Variants in SLC24A2 observed in about 807,000 individuals in gnomAD.
SLC24A2 encodes the protein sodium/potassium/calcium exchanger 2.
SLC24A2 carries 36 observed loss-of-function variants against 62.0 expected under a neutral mutation model. The ratio of observed to expected loss-of-function variants is 0.58; its 90% CI spans 0.44 to 0.77. SLC24A2 has a LOEUF of 0.77. Among genes scored for constraint, SLC24A2 ranks in the 30% least tolerant of loss-of-function variants. The pLI is 0.00. For missense variants in SLC24A2, 846 were observed against 817.9 expected (o/e 1.03, Z -0.42); for synonymous variants, 358 against 294.0 (o/e 1.22, Z -2.23).
At chr9:19,881,770 T>A in the SLC24A2 span, among the ~76,000 whole-genome samples, 28 of 152,320 alleles carry the variant, frequency 1.8e-4, no homozygotes, top group African/African-American at 5.5e-4. Flanking sequence ...ACTGTCTTAT[T>A]ACAAGCTAAG....
chr9:20,035,043 G>A, the SLC24A2 span, among the ~76,000 whole-genome samples: 10 of 151,612 alleles, frequency 6.6e-5, no homozygotes, highest in Non-Finnish European at 8.8e-5. Context: ...ATATATACTA[G>A]AAAAAAGTAC....
At chr9:20,246,094 G>A in the SLC24A2 span, among the ~76,000 whole-genome samples, 1 of 152,144 alleles carries the variant, frequency 6.6e-6, no homozygotes, top group Non-Finnish European at 1.5e-5. Flanking sequence ...AAATTTTCAG[G>A]TTGCTGCAGG....
At chr9:19,935,197 A>G in the SLC24A2 span, among the ~76,000 whole-genome samples, 1 of 151,484 alleles carries the variant, frequency 6.6e-6, no homozygotes, top group Non-Finnish European at 1.5e-5. Context: ...TTCCAGCCTG[A>G]CCTACTATAT....
At chr9:19,698,338 T>C (rs1820253290) in intron 2 of SLC24A2, among the ~76,000 whole-genome samples, 1 of 152,160 alleles carries the variant, frequency 6.6e-6, no homozygotes, top group Admixed American at 6.5e-5. Flanking sequence ...ATAAATAAAC[T>C]TGATGTTGAG....
intron 2 of SLC24A2, among the ~76,000 whole-genome samples, chr9:19,734,998 A>G (rs1270274458): frequency 6.6e-6 from 1 of 152,140 alleles, no homozygotes; most frequent in Non-Finnish European, 1.5e-5. Flanking sequence ...ACAAAAGCCA[A>G]AATTGACAAA....
chr9:19,578,377 G>T (rs1302444238), intron 5 of SLC24A2, among the ~76,000 whole-genome samples: 1 of 117,048 alleles, frequency 8.5e-6, no homozygotes, highest in Non-Finnish European at 1.8e-5. Context: ...AAAAAAAAAA[G>T]CAAGCAAAAG....
intron 1 of SLC24A2, among the ~76,000 whole-genome samples, chr9:19,788,218 C>T (rs1057514585): frequency 6.6e-6 from 1 of 152,200 alleles, no homozygotes; most frequent in Non-Finnish European, 1.5e-5. Context: ...TGAGATAACC[C>T]GACCCCATCA....
At chr9:20,291,225 A>G in the SLC24A2 span, among the ~76,000 whole-genome samples, 2 of 152,214 alleles carry the variant, frequency 1.3e-5, no homozygotes, top group African/African-American at 4.8e-5. Flanking sequence ...ACAGGAGAGC[A>G]TAAGAGAAGG....
rs1236463360 is a variant in SLC24A2 at position 19,515,437 on chromosome 9, A to T, written c.*716T>A. 6.6e-6 allele frequency: 1 copy of T among 152,084 alleles called. No homozygotes were observed. Among genetic ancestry groups the T allele is most frequent in the Non-Finnish European group, 1.5e-5 (1 of 68,104 alleles). 9.4% of individuals were successfully genotyped at this position (152,084 alleles called of 1,614,324 possible). On this transcript the variant is annotated 3_prime_UTR_variant, in exon 11 of 11. Coordinates refer to ENST00000341998, the MANE Select transcript of SLC24A2 (RefSeq NM_020344.4). ...AAGGCTCAACTCAGGGCCCCTACAG[A>T]CCTTCTCCACTAAGCCCTCCTCCCT...
the SLC24A2 span, among the ~76,000 whole-genome samples, chr9:19,897,924 C>T: frequency 6.4e-3 from 981 of 152,300 alleles, 20 homozygotes; most frequent in East Asian, 0.072. Flanking sequence ...GCGTGTTATT[C>T]CCCATCCCAC....
At chr9:20,000,211 A>G in the SLC24A2 span, among the ~76,000 whole-genome samples, 5 of 152,196 alleles carry the variant, frequency 3.3e-5, no homozygotes, top group Non-Finnish European at 7.3e-5. Context: ...TTATTATTTC[A>G]CCTTTTGAAG....
the SLC24A2 span, among the ~76,000 whole-genome samples, chr9:19,808,810 C>A: frequency 2.0e-5 from 3 of 152,216 alleles, no homozygotes; most frequent in Admixed American, 2.0e-4. The surrounding 1 kb of genome is among the most constrained non-coding windows in gnomAD (Gnocchi z 4.1). Flanking sequence ...CCTCTACATT[C>A]TGTTTGCTTA....
At chr9:19,534,644 T>C (rs1004956174) in intron 8 of SLC24A2, among the ~76,000 whole-genome samples, 6 of 152,270 alleles carry the variant, frequency 3.9e-5, no homozygotes, top group Non-Finnish European at 2.9e-5. Context: ...TTGCTGACAA[T>C]GATAGTTTCC....
chr9:20,162,352 C>T, the SLC24A2 span, among the ~76,000 whole-genome samples: 1 of 151,530 alleles, frequency 6.6e-6, no homozygotes, highest in African/African-American at 2.4e-5. Context: ...ATAAATTTAC[C>T]AAAAAAAGTT....
At chr9:19,995,375 G>A in the SLC24A2 span, among the ~76,000 whole-genome samples, 1 of 152,056 alleles carries the variant, frequency 6.6e-6, no homozygotes, top group South Asian at 2.1e-4. Flanking sequence ...GAGGTTATGT[G>A]TGGGTGCCTT....
intron 5 of SLC24A2, among the ~76,000 whole-genome samples, chr9:19,579,790 A>C (rs1357070823): frequency 6.6e-6 from 1 of 152,202 alleles, no homozygotes; most frequent in Non-Finnish European, 1.5e-5. Flanking sequence ...GGTTATAAGA[A>C]TCTTTTCAGA....
chr9:20,236,303 T>C, the SLC24A2 span, among the ~76,000 whole-genome samples: 1 of 152,204 alleles, frequency 6.6e-6, no homozygotes, highest in Non-Finnish European at 1.5e-5. Context: ...ATTTTAAATA[T>C]TCAAGACAGA....
At chr9:19,588,178 CTTTTT>C (rs3085622) in intron 5 of SLC24A2, among the ~76,000 whole-genome samples, 1 of 121,700 alleles carries the variant, frequency 8.2e-6, no homozygotes. Flanking sequence ...TTCTTTTTTT[CTTTTT>C]TTTTTTTTTT....
rs797005002 is a variant in SLC24A2, at chr9:19,540,343, C to A, written c.1479+9794G>T. Among the ~76,000 whole-genome samples, 233 of 142,340 alleles carry A rather than the reference C, an allele frequency of 1.6e-3. 10 individuals are homozygous for A. In the South Asian group the frequency reaches 0.051, roughly 31 times the overall value. 93.4% of individuals were successfully genotyped at this position (142,340 alleles called of 152,430 possible). A position where few individuals can be genotyped will look rare whatever the true frequency, so the allele number is the denominator to read the frequency against. ...TGGCATGATTTTGCAGCGGCTGGTA[C>A]CGGTTGTTCCTTTCCATGTTTAGTG... On this transcript the variant is annotated intron_variant, in intron 8 of 10. Coordinates refer to ENST00000341998, the MANE Select transcript of SLC24A2 (RefSeq NM_020344.4).
Sources: allele counts gnomAD v4.1 joint callset (sites outside exome capture counted in the v4.1 genomes callset), GRCh38; gene constraint gnomAD v4.1.1; non-coding constraint Gnocchi (gnomAD v3.1); transcripts MANE v1.5; gene names NCBI Gene and HGNC (gene_info 2026-07-23, HGNC 2026-07-21).